LGI4: variants seen among roughly 807,000 people sequenced by gnomAD.
LGI4 encodes leucine rich repeat LGI family member 4.
A neutral mutation model predicts 48.3 loss-of-function variants in LGI4; 36 were observed. The observed-to-expected ratio is 0.75, with a 90% CI of 0.57 to 0.98. The LOEUF (loss-of-function observed/expected upper bound fraction) is 0.98. LGI4 is among the 50% of genes least tolerant of loss of function. The pLI is 0.00. For synonymous variants in LGI4, 355 were observed against 331.6 expected, an observed-to-expected ratio of 1.07 and a Z score of -0.77; for missense variants, 701 against 732.1, an observed-to-expected ratio of 0.96 and a Z score of 0.49.
At chr19:35,132,730 T>A (rs949030925) in intron 3 of LGI4, among the ~76,000 whole-genome samples, 1 of 151,960 alleles carries the variant, frequency 6.6e-6, no homozygotes, top group Non-Finnish European at 1.5e-5. Flanking sequence ...CAACACAATC[T>A]TCATGATCAA....
At position 35,126,608 on chromosome 19, in the gene LGI4, C is replaced by T. The variant is rs2065139570; in HGVS notation, c.961G>A (p.Glu321Lys). 10 of 1,541,978 alleles carry T rather than the reference C, an allele frequency of 6.5e-6. No individual in the cohort carries two copies. The highest frequency in any genetic ancestry group is 7.0e-6 in the Non-Finnish European group (8 of 1,149,814). The change falls in exon 8 of 9, where the codon GAG becomes AAG. Residue 321 changes from glutamate to lysine, a missense_variant. Transcript: ENST00000310123. ...GGTTGCCCTTCCAGCCACAGGAGCTCGGCGTCATTGGGCCGCAGCAGCCGC... is the reference window on the plus strand; with the variant it reads ...GGTTGCCCTTCCAGCCACAGGAGCTTGGCGTCATTGGGCCGCAGCAGCCGC... ...PRRLLRPNDAELLWLEGQPCF... is the reference protein window; with the variant it reads ...PRRLLRPNDAKLLWLEGQPCF...
chr19:35,131,689 C>A (rs2065176250), intron 5 of LGI4, 100 bp downstream of exon 5: 1 of 1,383,450 alleles, frequency 7.2e-7, no homozygotes, highest in African/African-American at 1.4e-5. Context: ...AGAACCACTG[C>A]AGCCAAATGC....
Position 35,131,465 on chromosome 19 carries a change from G to C in LGI4, c.549C>G (p.Gly183=), listed in dbSNP as rs544303508. ...MPTVNASVGT[G]ACAGPASLSH... is the part of the protein sequence containing the mutation. ...TCAGGGAGGCGGGGCCCGCACAGGCGCCGGTCCCCACGCTGGCATTCACGG... is the reference window on the plus strand; with the variant it reads ...TCAGGGAGGCGGGGCCCGCACAGGCCCCGGTCCCCACGCTGGCATTCACGG... Residue 183 remains glycine (G), a synonymous_variant, in exon 6 of 9, where the codon GGC becomes GGG. Transcript: ENST00000310123. The C allele has an allele frequency of 9.0e-6, 14 of 1,551,564 alleles. No homozygotes were observed. The East Asian group carries it at 3.4e-4, about 38-fold the overall frequency.
rs764355464 is a variant in LGI4 at position 35,134,671 on chromosome 19, C to A, written c.10G>T (p.Ala4Ser). Residue 4 changes from alanine (A) to serine (S), a missense_variant, in exon 1 of 9, where the codon GCA (alanine) becomes TCA (serine). Around this residue, in one of 3 missense-constraint regions of LGI4, gnomAD observed 462 missense variants for 436.4 expected, o/e 1.06. Coordinates refer to ENST00000310123, the MANE Select transcript of LGI4 (RefSeq NM_139284.3). ...GCCAGCAGCAGCAGCAGAATGCCTG[C>A]CCCTCCCATGCCCCCACCCCCACTC... is the stretch of plus-strand genomic sequence containing the variant. MGG[A>S]GILLLLLAGA... 7.2e-7 allele frequency: 1 copy of A among 1,381,352 alleles called. No individual in the cohort carries two copies. Among genetic ancestry groups the A allele is most frequent in the African/African-American group, 1.4e-5 (1 of 69,172 alleles). The allele number at this position is 1,381,352 out of a possible 1,614,324, so 85.6% of individuals were successfully genotyped here.
intron 3 of LGI4, among the ~76,000 whole-genome samples, chr19:35,132,473 C>G (rs1364473270): frequency 6.6e-6 from 1 of 151,500 alleles, no homozygotes; most frequent in East Asian, 1.9e-4. Context: ...GCACCCACAC[C>G]ACCACATTAC....
At chr19:35,125,595 A>C (rs2065128213) in intron 8 of LGI4, 88 bp from the exon 9 acceptor site, 1 of 1,115,618 alleles carries the variant, frequency 9.0e-7, no homozygotes, top group Non-Finnish European at 1.3e-6. Flanking sequence ...TGTCGGTCCC[A>C]AAACTCCCAT....
chr19:35,127,078 C>T, intron 6 of LGI4, 61 bp from the exon 7 acceptor site: 1 of 1,490,066 alleles, frequency 6.7e-7, no homozygotes. Context: ...ATTGCTGAGC[C>T]TCAGTTTGCC....
chr19:35,125,957 C>T, intron 8 of LGI4: 1 of 540,676 alleles, frequency 1.8e-6, no homozygotes, highest in Admixed American at 2.8e-5. Context: ...CAGTGCTTAA[C>T]CCTAGCATCA....
intron 6 of LGI4, chr19:35,131,152 C>A: frequency 1.6e-6 from 1 of 627,152 alleles, no homozygotes; most frequent in South Asian, 1.8e-5. Flanking sequence ...CCAGGCCCGG[C>A]GCCAAATGCC....
chr19:35,133,567 A>T (rs2065189389), intron 3 of LGI4, 126 bp downstream of exon 3: 3 of 1,482,920 alleles, frequency 2.0e-6, no homozygotes. Context: ...TATCAACACC[A>T]TCCCACCATG....
chr19:35,132,092 C>G (rs566083373), intron 3 of LGI4, 50 bp from the exon 4 acceptor site: 6 of 1,462,116 alleles, frequency 4.1e-6, no homozygotes, highest in Non-Finnish European at 5.6e-6. Context: ...CTTCAGGGAA[C>G]GCACCCCATG....
chr19:35,127,143 TG>T (rs1359264627), intron 6 of LGI4, 126 bp from the exon 7 acceptor site: 1 of 979,760 alleles, frequency 1.0e-6, no homozygotes, highest in Non-Finnish European at 1.5e-6. Context: ...GACATATAAC[TG>T]GAATCTTGAT....
chr19:35,126,242 AGCCCCCCGCCCCCAG>A lies in LGI4; in HGVS notation c.1299+13_1299+27del. 6.2e-7 allele frequency: 1 copy of A among 1,604,038 alleles called. No individual in the cohort carries two copies. Among genetic ancestry groups the A allele is most frequent in the Non-Finnish European group, 8.5e-7 (1 of 1,175,416 alleles). ...AAGATTGGGTCAGTGCTGAAAAGCC[AGCCCCCCGCCCCCAG>A]GCCCAGCCTCACCATGGAGTCCCCA... On this transcript the variant is annotated intron_variant, in intron 8 of 8. Coordinates refer to ENST00000310123, the MANE Select transcript of LGI4 (RefSeq NM_139284.3).
chr19:35,133,621 C>A, intron 3 of LGI4, 72 bp downstream of exon 3: 1 of 1,517,958 alleles, frequency 6.6e-7, no homozygotes, highest in South Asian at 1.2e-5. Context: ...CCCATCTCCC[C>A]CTACTCTGGG....
chr19:35,129,103 G>T (rs945316244), intron 6 of LGI4, among the ~76,000 whole-genome samples: 1 of 152,092 alleles, frequency 6.6e-6, no homozygotes, highest in African/African-American at 2.4e-5. Context: ...AGGACTGTAA[G>T]TCCCGTAAGG....
In LGI4 at chr19:35,133,750, T is replaced by C; in HGVS notation, c.257A>G (p.Asn86Ser). Residue 86 changes from asparagine to serine, a missense_variant, in exon 3 of 9, where the codon AAC (asparagine) becomes AGC (serine). Transcript: ENST00000310123. ...PSLHLLLFTS[N>S]SFSVIEDDAF... Reference sequence around the variant, plus strand: ...ATCGTCCTCAATCACGGAGAAGGAGTTGGAGGTGAAGAGGCTGGCAAGGGG... The same window carrying C: ...ATCGTCCTCAATCACGGAGAAGGAGCTGGAGGTGAAGAGGCTGGCAAGGGG... The C allele has an allele frequency of 2.5e-6, 4 of 1,608,092 alleles. No homozygotes were observed. Among genetic ancestry groups the C allele is most frequent in the South Asian group, 1.1e-5 (1 of 89,388 alleles).
intron 6 of LGI4, among the ~76,000 whole-genome samples, chr19:35,129,345 A>C (rs533790470): frequency 1.3e-5 from 2 of 151,616 alleles, no homozygotes; most frequent in African/African-American, 4.8e-5. Context: ...TATATTATAT[A>C]TACATGTTGT....
At chr19:35,125,758 C>G in intron 8 of LGI4, 1 of 680,390 alleles carries the variant, frequency 1.5e-6, no homozygotes, top group Non-Finnish European at 2.7e-6. Context: ...TTTCTCCCAC[C>G]ACCTCTGGCT....
In LGI4 at chr19:35,125,629, C is replaced by T. The variant is rs780207773; in HGVS notation, c.1300-122G>A. 8.9e-5 allele frequency: 77 copies of T among 861,256 alleles called. No individual in the cohort carries two copies. In the Middle Eastern group the frequency reaches 2.6e-3, roughly 30 times the overall value. 53.4% of individuals were successfully genotyped at this position (861,256 alleles called of 1,614,324 possible). On this transcript the variant is annotated intron_variant, in intron 8 of 8. Transcript: ENST00000310123. ...ATAGCTTTCTTATCTTCATAAAAGT[C>T]ACCACCCACCTGTTCGGCCACACAC...
Sources: gnomAD v4.1 joint callset for allele counts (sites outside exome capture counted in the v4.1 genomes callset) on GRCh38, gnomAD v4.1.1 for gene constraint, gnomAD v4.1.1 regional missense constraint, MANE v1.5 for transcripts, NCBI Gene and HGNC (gene_info 2026-07-23, HGNC 2026-07-21) for gene names.